CHST9: variants seen among roughly 807,000 people sequenced by gnomAD.
CHST9 encodes the protein carbohydrate sulfotransferase 9.
A neutral mutation model predicts 44.4 loss-of-function variants in CHST9; 41 were observed. That is an observed-to-expected ratio of 0.92 (90% CI 0.72 to 1.20). The LOEUF (loss-of-function observed/expected upper bound fraction) is 1.20. CHST9 is among the 50% of genes most tolerant of loss of function. The pLI is 0.00. For missense variants in CHST9, 504 were observed against 516.5 expected (o/e 0.98, Z 0.23); for synonymous variants, 171 against 178.4 (o/e 0.96, Z 0.33).
intron 2 of CHST9, among the ~76,000 whole-genome samples, chr18:27,136,799 T>C (rs974914884): frequency 6.6e-6 from 1 of 152,148 alleles, no homozygotes; most frequent in African/African-American, 2.4e-5. Context: ...GCTAAAAAAG[T>C]ATTGGTCCTA....
chr18:26,992,234 C>G, intron 4 of CHST9, among the ~76,000 whole-genome samples: 1 of 126,320 alleles, frequency 7.9e-6, no homozygotes, highest in Middle Eastern at 3.6e-3. Flanking sequence ...GAATTAGAAG[C>G]GAGTGACATG....
chr18:27,183,021 A>C (rs2143989064), intron 1 of CHST9, among the ~76,000 whole-genome samples: 1 of 152,128 alleles, frequency 6.6e-6, no homozygotes, highest in African/African-American at 2.4e-5. Context: ...CAGAGCATCA[A>C]ATGCTACCCT....
intron 4 of CHST9, among the ~76,000 whole-genome samples, chr18:27,010,563 G>C (rs534978543): frequency 6.6e-6 from 1 of 152,266 alleles, no homozygotes; most frequent in South Asian, 2.1e-4. Flanking sequence ...TCTACTTCCT[G>C]TGGGGCTGTG....
At chr18:27,089,439 A>G (rs909912649) in intron 2 of CHST9, among the ~76,000 whole-genome samples, 1 of 152,118 alleles carries the variant, frequency 6.6e-6, no homozygotes, top group African/African-American at 2.4e-5. Flanking sequence ...TTCCAGCTTC[A>G]TCCATGTCCC....
rs1333880709 is a variant in CHST9, at chr18:27,149,068, G to A, written c.-96-6163C>T. Among the ~76,000 whole-genome samples, 21 of 130,378 alleles carry A rather than the reference G, an allele frequency of 1.6e-4. 4 individuals carry two copies. The highest frequency in any genetic ancestry group is 5.8e-4 in the African/African-American group (21 of 36,366). The allele number at this position is 130,378 out of a possible 152,430, so 85.5% of individuals were successfully genotyped here. On this transcript the variant is annotated intron_variant, in intron 1 of 5. Coordinates refer to ENST00000618847, the MANE Select transcript of CHST9 (RefSeq NM_031422.6). Reference sequence around the variant, plus strand: ...GCATGAATGTCTTCCTTTGAGAAGTGTCTGTTCATATCCTTCACCCACTTT... The same window carrying A: ...GCATGAATGTCTTCCTTTGAGAAGTATCTGTTCATATCCTTCACCCACTTT...
chr18:26,967,367 G>A (rs1171384831), intron 4 of CHST9, among the ~76,000 whole-genome samples: 1 of 152,076 alleles, frequency 6.6e-6, no homozygotes, highest in Non-Finnish European at 1.5e-5. Context: ...GTGTAGTAGG[G>A]CCATGGTGTA....
At chr18:27,176,950 G>A (rs1370277677) in intron 1 of CHST9, among the ~76,000 whole-genome samples, 2 of 152,052 alleles carry the variant, frequency 1.3e-5, no homozygotes, top group Non-Finnish European at 2.9e-5. Context: ...TTACAAAAGT[G>A]ATCATGCAAG....
At chr18:27,043,572 C>G (rs1022682206) in intron 3 of CHST9, among the ~76,000 whole-genome samples, 1 of 151,926 alleles carries the variant, frequency 6.6e-6, no homozygotes, top group East Asian at 1.9e-4. Flanking sequence ...ATCTGGATTC[C>G]ATTTTCTTGG....
rs112942361 is a variant in CHST9, at chr18:27,161,610, G to A, written c.-96-18705C>T. 7.9e-3 allele frequency among the ~76,000 whole-genome samples: 1,202 copies of A among 152,304 alleles called. 19 individuals carry two copies. The highest frequency in any genetic ancestry group is 0.028 in the African/African-American group (1,143 of 41,550). On this transcript the variant is annotated intron_variant, in intron 1 of 5. Coordinates refer to ENST00000618847, the MANE Select transcript of CHST9 (RefSeq NM_031422.6). ...CTGTTGATTTGGGGTGGAGAGTTCTGTAGATGTCTATTAGGCCCACTTGGT... is the reference window on the plus strand; with the variant it reads ...CTGTTGATTTGGGGTGGAGAGTTCTATAGATGTCTATTAGGCCCACTTGGT...
At chr18:27,073,602 A>C (rs531452142) in intron 2 of CHST9, among the ~76,000 whole-genome samples, 1 of 152,110 alleles carries the variant, frequency 6.6e-6, no homozygotes, top group Admixed American at 6.5e-5. Context: ...CCTAGGGGTA[A>C]TGGAGAGGGG....
chr18:26,922,108 C>T (rs936366636), intron 5 of CHST9, among the ~76,000 whole-genome samples: 2 of 152,126 alleles, frequency 1.3e-5, no homozygotes, highest in African/African-American at 2.4e-5. Flanking sequence ...GTCCCCATTC[C>T]TTTGCTGGCA....
Position 26,914,032 on chromosome 18 carries a change from C to T in CHST9, c.*2227G>A, listed in dbSNP as rs952898402. 2 of 152,078 alleles carry T rather than the reference C, an allele frequency of 1.3e-5. No individual in the cohort carries two copies. The highest frequency in any genetic ancestry group is 2.9e-5 in the Non-Finnish European group (2 of 68,032). The allele number at this position is 152,078 out of a possible 1,614,324, so 9.4% of individuals were successfully genotyped here. ...AGAGCCCATTTAGGAAAAGAATGAC[C>T]CATGGTGACACGGGCTCGTTGGAAA... On this transcript the variant is annotated 3_prime_UTR_variant, in exon 6 of 6. Transcript: ENST00000618847.
intron 3 of CHST9, among the ~76,000 whole-genome samples, chr18:27,036,057 C>CTA (rs1010383063): frequency 4.0e-5 from 6 of 151,846 alleles, no homozygotes; most frequent in Admixed American, 6.6e-5. Context: ...ATATAAAATG[C>CTA]TATATATATA....
At chr18:27,060,911 G>A (rs1033738171) in intron 2 of CHST9, among the ~76,000 whole-genome samples, 3 of 152,198 alleles carry the variant, frequency 2.0e-5, no homozygotes, top group Admixed American at 1.3e-4. Flanking sequence ...ACAGGCATGT[G>A]CCATCACATC....
intron 5 of CHST9, among the ~76,000 whole-genome samples, chr18:26,921,840 G>A (rs930228203): frequency 7.2e-5 from 11 of 152,084 alleles, no homozygotes; most frequent in South Asian, 2.1e-4. Context: ...GTTATTTTCC[G>A]TTTTTGAAAA....
intron 2 of CHST9, among the ~76,000 whole-genome samples, chr18:27,129,444 G>T (rs1199799960): frequency 6.6e-6 from 1 of 151,884 alleles, no homozygotes; most frequent in African/African-American, 2.4e-5. Flanking sequence ...GTGCAGTGCA[G>T]TGCAGTGGCA....
intron 1 of CHST9, among the ~76,000 whole-genome samples, chr18:27,177,759 T>C (rs2058880271): frequency 6.6e-6 from 1 of 152,024 alleles, no homozygotes; most frequent in East Asian, 1.9e-4. Flanking sequence ...GTGCCATATC[T>C]GTTTACTCTG....
intron 1 of CHST9, among the ~76,000 whole-genome samples, chr18:27,184,277 C>T (rs1171234220): frequency 6.6e-6 from 1 of 151,980 alleles, no homozygotes; most frequent in African/African-American, 2.4e-5. Flanking sequence ...GGGGGTGGAC[C>T]GCAGAGAGAG....
At chr18:27,078,493 C>T (rs916703993) in intron 2 of CHST9, among the ~76,000 whole-genome samples, 2 of 152,086 alleles carry the variant, frequency 1.3e-5, no homozygotes, top group Non-Finnish European at 2.9e-5. Context: ...ATATATCTCT[C>T]TCACATATAT....
Sources: gnomAD v4.1 joint callset for allele counts (sites outside exome capture counted in the v4.1 genomes callset) on GRCh38, gnomAD v4.1.1 for gene constraint, MANE v1.5 for transcripts, NCBI Gene and HGNC (gene_info 2026-07-23, HGNC 2026-07-21) for gene names.